The following CNTNAP5 variants were observed in gnomAD, a reference collection of about 807,000 sequenced individuals.
The protein encoded by CNTNAP5 is contactin-associated protein-like 5.
Under a neutral mutation model 150.2 loss-of-function variants are expected in CNTNAP5, and 72 were observed. That is an observed-to-expected ratio of 0.48 (90% CI 0.40 to 0.58). The LOEUF (loss-of-function observed/expected upper bound fraction) is 0.58. CNTNAP5 is among the 20% of genes least tolerant of loss of function. CNTNAP5 has a pLI of 0.00. For synonymous variants in CNTNAP5, 672 were observed against 619.8 expected (o/e 1.08, Z -1.25); for missense variants, 1,636 against 1,626.2 (o/e 1.01, Z -0.10).
Position 124,800,521 on chromosome 2 carries a change from A to G in CNTNAP5, c.3217+2201A>G, listed in dbSNP as rs1051044381. On this transcript the variant is annotated intron_variant, in intron 19 of 23. Coordinates refer to ENST00000682447, the MANE Select transcript of CNTNAP5 (RefSeq NM_001367498.1). ...CAAAATCTCACAGCAAGTAAGAAGCAGAGCTGGATTCACCCTCCCTTCCTC... is the reference window on the plus strand; with the variant it reads ...CAAAATCTCACAGCAAGTAAGAAGCGGAGCTGGATTCACCCTCCCTTCCTC... 2.6e-5 allele frequency among the ~76,000 whole-genome samples: 4 copies of G among 152,222 alleles called. No individual in the cohort carries two copies. In the East Asian group the frequency reaches 7.7e-4, roughly 29 times the overall value.
At chr2:124,641,033 A>C (rs951027615) in intron 12 of CNTNAP5, among the ~76,000 whole-genome samples, 1 of 151,248 alleles carries the variant, frequency 6.6e-6, no homozygotes, top group African/African-American at 2.4e-5. Flanking sequence ...GGCTGAGGCA[A>C]GAGAATTGCT....
chr2:124,840,938 C>T (rs1442280264), intron 19 of CNTNAP5, among the ~76,000 whole-genome samples: 4 of 152,070 alleles, frequency 2.6e-5, no homozygotes, highest in African/African-American at 9.7e-5. Flanking sequence ...ACATCATTGA[C>T]ATCTTTAAAC....
In CNTNAP5 at chr2:124,274,421, A is replaced by T. The variant is rs190021573; in HGVS notation, c.381+32028A>T. On this transcript the variant is annotated intron_variant, in intron 3 of 23. Transcript: ENST00000682447. Reference sequence around the variant, plus strand: ...GCTTTTTCCCTCCCTCAATATTGTCACTGGTAAACTGAGATCTTTTCCCAT... The same window carrying T: ...GCTTTTTCCCTCCCTCAATATTGTCTCTGGTAAACTGAGATCTTTTCCCAT... Among the ~76,000 whole-genome samples, 342 of 152,240 alleles carry T rather than the reference A, an allele frequency of 2.2e-3. 1 individual carries two copies. Among genetic ancestry groups the T allele is most frequent in the African/African-American group, 7.7e-3 (321 of 41,562 alleles).
chr2:124,855,374 C>T (rs550171688), intron 19 of CNTNAP5, among the ~76,000 whole-genome samples: 4 of 151,854 alleles, frequency 2.6e-5, no homozygotes, highest in African/African-American at 7.3e-5. Context: ...GGCAGGGTTT[C>T]GCCATGTTGG....
intron 13 of CNTNAP5, among the ~76,000 whole-genome samples, chr2:124,730,278 A>C (rs959783542): frequency 6.6e-6 from 1 of 151,948 alleles, no homozygotes; most frequent in African/African-American, 2.4e-5. Context: ...GTATCAGTAC[A>C]TCTTTTAATG....
intron 7 of CNTNAP5, among the ~76,000 whole-genome samples, chr2:124,483,550 G>T (rs1693805605): frequency 6.6e-6 from 1 of 152,192 alleles, no homozygotes; most frequent in Non-Finnish European, 1.5e-5. Flanking sequence ...CCACAGGGTA[G>T]GGCAGTGGGG....
intron 4 of CNTNAP5, among the ~76,000 whole-genome samples, chr2:124,430,430 T>C (rs532152793): frequency 6.6e-6 from 1 of 152,280 alleles, no homozygotes; most frequent in South Asian, 2.1e-4. Flanking sequence ...TGATGTGGGC[T>C]CCACACACAT....
intron 14 of CNTNAP5, among the ~76,000 whole-genome samples, chr2:124,756,629 T>C (rs986430990): frequency 5.3e-5 from 8 of 152,180 alleles, no homozygotes; most frequent in African/African-American, 1.7e-4. Flanking sequence ...TGGATGGAGC[T>C]GAAAGCCTTT....
intron 1 of CNTNAP5, among the ~76,000 whole-genome samples, chr2:124,045,075 T>C (rs1424703214): frequency 4.6e-5 from 7 of 152,122 alleles, no homozygotes; most frequent in Non-Finnish European, 7.4e-5. Context: ...AAACATGAGA[T>C]TTCAAATATG....
chr2:124,042,168 A>T (rs561828531), intron 1 of CNTNAP5, among the ~76,000 whole-genome samples: 1 of 152,286 alleles, frequency 6.6e-6, no homozygotes, highest in South Asian at 2.1e-4. Context: ...GCCAATTAAA[A>T]ATTTTTAAAA....
At chr2:124,456,636 T>C (rs1282501320) in intron 6 of CNTNAP5, among the ~76,000 whole-genome samples, 1 of 152,088 alleles carries the variant, frequency 6.6e-6, no homozygotes, top group African/African-American at 2.4e-5. Flanking sequence ...AAAACAAATC[T>C]GGAGGCATCA....
intron 7 of CNTNAP5, among the ~76,000 whole-genome samples, chr2:124,490,053 AATT>A (rs1693981103): frequency 6.6e-6 from 1 of 152,110 alleles, no homozygotes; most frequent in South Asian, 2.1e-4. Flanking sequence ...GCAGTGGCTT[AATT>A]ATTATTAATT....
intron 1 of CNTNAP5, among the ~76,000 whole-genome samples, chr2:124,045,293 CT>C (rs5834033): frequency 3.0e-4 from 42 of 138,386 alleles, no homozygotes; most frequent in African/African-American, 5.3e-4. Flanking sequence ...TTTTCTTTTC[CT>C]TTTTTTTTTT....
At chr2:124,417,324 T>C (rs1290771243) in intron 3 of CNTNAP5, 119 bp from the exon 4 acceptor site, 21 of 998,958 alleles carry the variant, frequency 2.1e-5, no homozygotes, top group Non-Finnish European at 2.8e-5. Context: ...CATATTTCAA[T>C]TGAAATACGT....
intron 10 of CNTNAP5, among the ~76,000 whole-genome samples, chr2:124,556,038 G>C (rs111557199): frequency 0.022 from 3,325 of 152,216 alleles, 61 homozygotes; most frequent in Non-Finnish European, 0.033. Context: ...TTGCATAACA[G>C]TGTCTGGAAT....
chr2:124,462,125 C>G (rs1693270662), intron 6 of CNTNAP5, among the ~76,000 whole-genome samples: 1 of 151,864 alleles, frequency 6.6e-6, no homozygotes, highest in Admixed American at 6.6e-5. Flanking sequence ...GTCTCCAATC[C>G]CTATTCCTCA....
chr2:124,534,044 T>G (rs1695175235), intron 10 of CNTNAP5, among the ~76,000 whole-genome samples: 1 of 152,288 alleles, frequency 6.6e-6, no homozygotes, highest in African/African-American at 2.4e-5. Context: ...TGAATGGTAC[T>G]TAAGTGAAAC....
chr2:124,911,071 T>C (rs1157265196), intron 22 of CNTNAP5, among the ~76,000 whole-genome samples: 1 of 151,802 alleles, frequency 6.6e-6, no homozygotes, highest in Non-Finnish European at 1.5e-5. Flanking sequence ...TGTTCTTTAC[T>C]GTCAATAAAC....
At chr2:124,588,176 CCTT>C (rs869112564) in intron 11 of CNTNAP5, among the ~76,000 whole-genome samples, 1 of 103,912 alleles carries the variant, frequency 9.6e-6, no homozygotes, top group Non-Finnish European at 2.1e-5. Context: ...TTCCTTCCTT[CCTT>C]CTTTCTTTCT....
Sources: gnomAD v4.1 joint callset for allele counts (sites outside exome capture counted in the v4.1 genomes callset) on GRCh38, gnomAD v4.1.1 for gene constraint, MANE v1.5 for transcripts, NCBI Gene and HGNC (gene_info 2026-07-23, HGNC 2026-07-21) for gene names.